Variants in EPHA3 observed in about 807,000 individuals in gnomAD.
EPHA3 encodes the protein ephrin type-A receptor 3.
Under a neutral mutation model 107.1 loss-of-function variants are expected in EPHA3, and 42 were observed. The observed-to-expected ratio is 0.39, with a 90% CI of 0.31 to 0.51. EPHA3 has a LOEUF of 0.51. EPHA3 is among the 20% of genes least tolerant of loss of function. EPHA3 has a pLI of 0.78. For synonymous variants in EPHA3, 461 were observed against 424.8 expected (o/e 1.09, Z -1.05); for missense variants, 1,183 against 1,211.2 (o/e 0.98, Z 0.35).
At chr3:89,241,248 A>G (rs1704888476) in intron 3 of EPHA3, among the ~76,000 whole-genome samples, 1 of 152,088 alleles carries the variant, frequency 6.6e-6, no homozygotes, top group African/African-American at 2.4e-5. Context: ...TCGAAACCCA[A>G]TTACCTCCAC....
chr3:89,374,131 C>T (rs1708356402), intron 5 of EPHA3, among the ~76,000 whole-genome samples: 1 of 151,836 alleles, frequency 6.6e-6, no homozygotes, highest in African/African-American at 2.4e-5. Flanking sequence ...AAGATATTTT[C>T]TTGTTGCTTG....
At chr3:89,140,735 A>G (rs1704413469) in intron 2 of EPHA3, among the ~76,000 whole-genome samples, 2 of 151,688 alleles carry the variant, frequency 1.3e-5, no homozygotes, top group South Asian at 2.1e-4. Context: ...GTGAAAATAT[A>G]TGAGGTAATA....
intron 5 of EPHA3, 48 bp downstream of exon 5, chr3:89,342,138 T>G: frequency 1.3e-6 from 2 of 1,502,092 alleles, no homozygotes; most frequent in Non-Finnish European, 1.8e-6. Context: ...CACGTCTGAG[T>G]AATGGTTTTG....
chr3:89,198,653 G>A (rs571422536), intron 2 of EPHA3, among the ~76,000 whole-genome samples: 2 of 152,138 alleles, frequency 1.3e-5, no homozygotes, highest in Admixed American at 6.5e-5. Context: ...TTGTTAAAAA[G>A]TAAATTTAGC....
chr3:89,380,067 G>A (rs866411011), intron 5 of EPHA3, among the ~76,000 whole-genome samples: 1 of 152,114 alleles, frequency 6.6e-6, no homozygotes, highest in Non-Finnish European at 1.5e-5. Context: ...CATATGTTAA[G>A]CAATATTTTT....
At chr3:89,402,731 T>TGTC (rs1161976692) in intron 7 of EPHA3, among the ~76,000 whole-genome samples, 2 of 152,224 alleles carry the variant, frequency 1.3e-5, no homozygotes, top group Non-Finnish European at 2.9e-5. Context: ...AGTCTTGCTC[T>TGTC]GTCGCCCAGG....
intron 5 of EPHA3, among the ~76,000 whole-genome samples, chr3:89,342,907 C>T (rs1357558953): frequency 6.7e-6 from 1 of 149,858 alleles, no homozygotes; most frequent in East Asian, 1.9e-4. Context: ...ACATTGGAGC[C>T]AAAGGGAGAG....
At chr3:89,324,771 T>C (rs1707128646) in intron 3 of EPHA3, among the ~76,000 whole-genome samples, 1 of 152,152 alleles carries the variant, frequency 6.6e-6, no homozygotes, top group Non-Finnish European at 1.5e-5. Context: ...TATTGTGTGA[T>C]GCTGAGATTT....
chr3:89,141,742 T>C (rs1049912305), intron 2 of EPHA3, among the ~76,000 whole-genome samples: 1 of 151,602 alleles, frequency 6.6e-6, no homozygotes, highest in East Asian at 1.9e-4. Context: ...TATATATATA[T>C]ATACACACAT....
chr3:89,374,701 G>C lies in EPHA3; in HGVS notation c.1307-21136G>C, dbSNP rs150031467. On this transcript the variant is annotated intron_variant, in intron 5 of 16. Coordinates refer to ENST00000336596, the MANE Select transcript of EPHA3 (RefSeq NM_005233.6). ...ATTAGGATGTCTGCTGCTTGTTTGA[G>C]GGCCAATTGTCATGATACATCTCAG... Among the ~76,000 whole-genome samples, 11 of 151,554 alleles carry C rather than the reference G, an allele frequency of 7.3e-5. No individual in the cohort carries two copies. The East Asian group carries it at 2.2e-3, about 30-fold the overall frequency.
intron 2 of EPHA3, among the ~76,000 whole-genome samples, chr3:89,181,472 T>C (rs527933655): frequency 6.6e-6 from 1 of 152,054 alleles, no homozygotes; most frequent in African/African-American, 2.4e-5. Flanking sequence ...ACCTGTTTAA[T>C]AGGTAGTCAA....
At chr3:89,339,319 C>A (rs572646878) in intron 3 of EPHA3, among the ~76,000 whole-genome samples, 125 of 141,014 alleles carry the variant, frequency 8.9e-4, no homozygotes, top group Non-Finnish European at 1.4e-3. Context: ...TGCAGTGAGC[C>A]GAGATTGTGC....
chr3:89,116,905 T>A (rs1462980464), intron 1 of EPHA3, among the ~76,000 whole-genome samples: 1 of 152,110 alleles, frequency 6.6e-6, no homozygotes, highest in Non-Finnish European at 1.5e-5. Context: ...TTCATATTTG[T>A]TACTCATTTT....
In EPHA3 at chr3:89,246,043, T is replaced by C. The variant is rs78313342; in HGVS notation, c.814+35523T>C. ...AAGTTCCTCTTTAATTTTTTTTTCA[T>C]ATTGTATGACTCTCTTACGCTCAAT... On this transcript the variant is annotated intron_variant, in intron 3 of 16. Coordinates refer to ENST00000336596, the MANE Select transcript of EPHA3 (RefSeq NM_005233.6). Among the ~76,000 whole-genome samples, 190 of 152,294 alleles carry C rather than the reference T, an allele frequency of 1.2e-3. 1 individual carries two copies. Among genetic ancestry groups the C allele is most frequent in the East Asian group, 9.6e-3 (50 of 5,192 alleles).
At chr3:89,264,385 T>C (rs1705488499) in intron 3 of EPHA3, among the ~76,000 whole-genome samples, 1 of 152,118 alleles carries the variant, frequency 6.6e-6, no homozygotes, top group South Asian at 2.1e-4. Context: ...TGTGGCTTGA[T>C]GTTCAGTCCT....
intron 3 of EPHA3, among the ~76,000 whole-genome samples, chr3:89,285,670 C>T (rs534896962): frequency 2.0e-5 from 3 of 152,274 alleles, no homozygotes; most frequent in Non-Finnish European, 4.4e-5. Flanking sequence ...GTATATTTCA[C>T]GAATATTAAT....
At chr3:89,336,242 TACTC>T (rs1312120995) in intron 3 of EPHA3, among the ~76,000 whole-genome samples, 1 of 151,950 alleles carries the variant, frequency 6.6e-6, no homozygotes, top group Non-Finnish European at 1.5e-5. Flanking sequence ...TGTAGATTGT[TACTC>T]ACTAGTTTTA....
chr3:89,352,419 A>T (rs190521203), intron 5 of EPHA3, among the ~76,000 whole-genome samples: 21 of 151,436 alleles, frequency 1.4e-4, no homozygotes, highest in Admixed American at 1.3e-3. Flanking sequence ...CTTTAAGACC[A>T]CCTATGGACT....
chr3:89,205,174 A>G (rs181151969), intron 2 of EPHA3, among the ~76,000 whole-genome samples: 3 of 152,238 alleles, frequency 2.0e-5, no homozygotes, highest in East Asian at 3.9e-4. Flanking sequence ...GTTTCTCTTA[A>G]AGGAAGTGTA....
Sources: gnomAD v4.1 joint callset for allele counts (sites outside exome capture counted in the v4.1 genomes callset) on GRCh38, gnomAD v4.1.1 for gene constraint, MANE v1.5 for transcripts, NCBI Gene and HGNC (gene_info 2026-07-23, HGNC 2026-07-21) for gene names.